The following SYN3 variants were observed in gnomAD, a reference collection of about 807,000 sequenced individuals.
SYN3 encodes synapsin III.
Under a neutral mutation model 65.8 loss-of-function variants are expected in SYN3, and 35 were observed. The observed-to-expected ratio is 0.53, with a 90% CI of 0.41 to 0.70. The LOEUF is 0.70. Among genes scored for constraint, SYN3 ranks in the 30% least tolerant of loss-of-function variants. The pLI is 0.00. For synonymous variants in SYN3, 270 were observed against 292.9 expected (o/e 0.92, Z 0.80); for missense variants, 680 against 749.0 (o/e 0.91, Z 1.08).
At chr22:32,887,971 T>G (rs1308230100) in intron 4 of SYN3, among the ~76,000 whole-genome samples, 1 of 152,182 alleles carries the variant, frequency 6.6e-6, no homozygotes, top group Non-Finnish European at 1.5e-5. Flanking sequence ...CCACCAGCAA[T>G]GTAGGAAAGT....
chr22:32,948,628 T>G (rs2051187645), intron 3 of SYN3, among the ~76,000 whole-genome samples: 1 of 151,900 alleles, frequency 6.6e-6, no homozygotes, highest in Non-Finnish European at 1.5e-5. Flanking sequence ...TCTCAGCTAC[T>G]CGGGAGGCTG....
Position 32,529,017 on chromosome 22 carries a change from A to G in SYN3, c.1096-9T>C, listed in dbSNP as rs767250370. The G allele has an allele frequency of 6.2e-7, 1 of 1,613,564 alleles. No homozygotes were observed. The highest frequency in any genetic ancestry group is 8.5e-7 in the Non-Finnish European group (1 of 1,179,968). On this transcript the variant is annotated splice_polypyrimidine_tract_variant and intron_variant, in intron 10 of 13. Coordinates refer to ENST00000358763, the MANE Select transcript of SYN3 (RefSeq NM_003490.4). ...ATTGAGCTGTCCATTACCTGTGGGG[A>G]GGAAGGGAGAGCTGAGGGACCCCCA...
chr22:32,914,065 AG>A (rs2050127587), intron 4 of SYN3, among the ~76,000 whole-genome samples: 1 of 152,218 alleles, frequency 6.6e-6, no homozygotes, highest in African/African-American at 2.4e-5. Flanking sequence ...AACTTAGGTT[AG>A]TTTCTATTAT....
intron 4 of SYN3, among the ~76,000 whole-genome samples, chr22:32,898,025 C>T (rs1190697408): frequency 6.6e-6 from 1 of 151,744 alleles, no homozygotes; most frequent in African/African-American, 2.4e-5. Context: ...GACAGAGTTT[C>T]GCTCTTGTTG....
intron 1 of SYN3, among the ~76,000 whole-genome samples, chr22:33,040,983 C>T (rs1209041530): frequency 1.3e-5 from 2 of 151,800 alleles, no homozygotes; most frequent in Non-Finnish European, 2.9e-5. Flanking sequence ...GGCATGATCT[C>T]GGCTCACTGC....
At chr22:32,984,176 A>G (rs984853863) in intron 2 of SYN3, among the ~76,000 whole-genome samples, 4 of 133,330 alleles carry the variant, frequency 3.0e-5, no homozygotes, top group Admixed American at 8.2e-5. Context: ...AAAAAAAAAA[A>G]AAAGAAAAAG....
At chr22:32,977,365 G>A (rs1256481343) in intron 3 of SYN3, among the ~76,000 whole-genome samples, 1 of 152,138 alleles carries the variant, frequency 6.6e-6, no homozygotes, top group Admixed American at 6.6e-5. Flanking sequence ...ATGCCCCTGG[G>A]ATTTCCACAC....
intron 6 of SYN3, among the ~76,000 whole-genome samples, chr22:32,681,488 C>T (rs1267025374): frequency 6.6e-6 from 1 of 152,194 alleles, no homozygotes; most frequent in Non-Finnish European, 1.5e-5. Context: ...AGCCATGGAA[C>T]ACACATATGA....
Position 32,642,886 on chromosome 22 carries a change from A to G in SYN3, c.712-46150T>C, listed in dbSNP as rs187128463. On this transcript the variant is annotated intron_variant, in intron 6 of 13. Coordinates refer to ENST00000358763, the MANE Select transcript of SYN3 (RefSeq NM_003490.4). ...CCCAAACTTTTTGATCAGGCCCCCT[A>G]TCAAAAAAAGGTGAGGATGCATCTC... Among the ~76,000 whole-genome samples, 352 of 152,072 alleles carry G rather than the reference A, an allele frequency of 2.3e-3. 1 individual carries two copies. The highest frequency in any genetic ancestry group is 1.8e-3 in the Non-Finnish European group (122 of 67,970).
intron 6 of SYN3, among the ~76,000 whole-genome samples, chr22:32,802,996 G>C (rs1472092615): frequency 6.6e-6 from 1 of 152,182 alleles, no homozygotes; most frequent in Non-Finnish European, 1.5e-5. Context: ...ACTCCTTAGT[G>C]TGTATGGAGG....
At chr22:32,981,983 T>C (rs2052387557) in intron 2 of SYN3, among the ~76,000 whole-genome samples, 1 of 152,214 alleles carries the variant, frequency 6.6e-6, no homozygotes, top group South Asian at 2.1e-4. Flanking sequence ...AAAAGAATGA[T>C]GATTGCTAGA....
chr22:32,964,699 G>A (rs561125946), intron 3 of SYN3, among the ~76,000 whole-genome samples: 90 of 152,240 alleles, frequency 5.9e-4, no homozygotes, highest in African/African-American at 2.1e-3. Flanking sequence ...GACGAAATAT[G>A]TTGAAAAGTT....
chr22:32,667,437 A>G (rs1222358521), intron 6 of SYN3, among the ~76,000 whole-genome samples: 1 of 152,122 alleles, frequency 6.6e-6, no homozygotes, highest in Non-Finnish European at 1.5e-5. Context: ...ATCAGCATGG[A>G]GTAGCCTATA....
At chr22:32,998,961 G>A (rs2052979254) in intron 2 of SYN3, among the ~76,000 whole-genome samples, 1 of 152,098 alleles carries the variant, frequency 6.6e-6, no homozygotes, top group South Asian at 2.1e-4. Context: ...AAGGTGAGGT[G>A]AGCTTCAGAC....
rs113336586 is a variant in SYN3 at position 33,047,780 on chromosome 22, T to C, written c.-163+10512A>G. Among the ~76,000 whole-genome samples, 91 of 150,004 alleles carry C rather than the reference T, an allele frequency of 6.1e-4. 1 individual carries two copies. The Middle Eastern group carries it at 0.014, about 23-fold the overall frequency. On this transcript the variant is annotated intron_variant, in intron 1 of 13. Coordinates refer to ENST00000358763, the MANE Select transcript of SYN3 (RefSeq NM_003490.4). ...ACATGAGCATTTACAGAACACCTGC[T>C]CTACAGGTTCCTGGCACTCTGAGGG...
intron 6 of SYN3, among the ~76,000 whole-genome samples, chr22:32,816,959 G>A (rs1422384990): frequency 6.6e-6 from 1 of 151,988 alleles, no homozygotes; most frequent in Admixed American, 6.6e-5. Flanking sequence ...AGCGGCTCAC[G>A]CATATAACCC....
chr22:32,665,590 C>T (rs2060279134), intron 6 of SYN3, among the ~76,000 whole-genome samples: 2 of 151,846 alleles, frequency 1.3e-5, no homozygotes, highest in South Asian at 2.1e-4. Flanking sequence ...TTTTTGCAAT[C>T]GCGAATTTTT....
chr22:32,578,092 C>A (rs1246637625), intron 7 of SYN3, among the ~76,000 whole-genome samples: 5 of 152,244 alleles, frequency 3.3e-5, no homozygotes, highest in African/African-American at 1.2e-4. Context: ...TGCCTGGATG[C>A]TATAAATACT....
intron 6 of SYN3, among the ~76,000 whole-genome samples, chr22:32,754,187 T>C (rs919398363): frequency 1.1e-4 from 17 of 152,022 alleles, no homozygotes; most frequent in Non-Finnish European, 2.5e-4. Context: ...AGTCTCACTC[T>C]GTCGCCCAGG....
Sources: allele counts gnomAD v4.1 joint callset (sites outside exome capture counted in the v4.1 genomes callset), GRCh38; gene constraint gnomAD v4.1.1; transcripts MANE v1.5; gene names NCBI Gene and HGNC (gene_info 2026-07-23, HGNC 2026-07-21).